Variants in SPAG9 observed in about 807,000 individuals in gnomAD.
SPAG9 encodes sperm associated antigen 9, also known as C-Jun-amino-terminal kinase-interacting protein 4.
SPAG9 carries 35 observed loss-of-function variants against 166.5 expected under a neutral mutation model. The observed-to-expected ratio is 0.21, with a 90% CI of 0.16 to 0.28. The LOEUF is 0.28. Ranked by LOEUF, SPAG9 falls within the 10% of genes least tolerant of loss-of-function variation. The pLI, the probability that SPAG9 is intolerant of heterozygous loss-of-function variation, is 1.00. For synonymous variants in SPAG9, 534 were observed against 565.5 expected (o/e 0.94, Z 0.79); for missense variants, 1,235 against 1,603.3 (o/e 0.77, Z 3.92).
At chr17:50,983,031 G>A (rs767701665) in intron 24 of SPAG9, among the ~76,000 whole-genome samples, 14 of 152,178 alleles carry the variant, frequency 9.2e-5, no homozygotes, top group African/African-American at 3.4e-4. Context: ...TCAGTCACGT[G>A]CATTTTGATG....
intron 4 of SPAG9, among the ~76,000 whole-genome samples, chr17:51,044,874 T>C (rs1262374208): frequency 6.6e-6 from 1 of 152,200 alleles, no homozygotes; most frequent in African/African-American, 2.4e-5. Context: ...CTTTATTTAA[T>C]CAGATCAGTA....
intron 2 of SPAG9, among the ~76,000 whole-genome samples, chr17:51,057,061 G>A (rs1007247419): frequency 6.6e-6 from 1 of 152,174 alleles, no homozygotes; most frequent in Non-Finnish European, 1.5e-5. Flanking sequence ...GTCAGGACAG[G>A]ATTCCACAGG....
intron 1 of SPAG9, among the ~76,000 whole-genome samples, chr17:51,100,546 A>C (rs990962144): frequency 2.0e-5 from 3 of 152,046 alleles, no homozygotes; most frequent in African/African-American, 7.2e-5. Flanking sequence ...AGGTGGAAGG[A>C]TCACATGAGA....
intron 8 of SPAG9, chr17:51,014,786 A>C (rs1268862004): frequency 1.3e-5 from 2 of 149,194 alleles, no homozygotes; most frequent in Non-Finnish European, 2.9e-5. Flanking sequence ...TACAAAATTA[A>C]AATTTTTACC....
Position 51,120,238 on chromosome 17 carries a change from C to G in SPAG9, c.303+116G>C. 1.1e-6 allele frequency: 1 copy of G among 950,856 alleles called. No individual in the cohort carries two copies. The highest frequency in any genetic ancestry group is 1.8e-5 in the African/African-American group (1 of 56,960). The allele number at this position is 950,856 out of a possible 1,614,324, so 58.9% of individuals were successfully genotyped here. A position where few individuals can be genotyped will look rare whatever the true frequency, so the allele number is the denominator to read the frequency against. On this transcript the variant is annotated intron_variant, in intron 1 of 29. Transcript: ENST00000262013. The surrounding 1 kb of genome is among the most constrained non-coding windows in gnomAD (Gnocchi z 4.7). ...GGGATCGGTCCCAGGGGGCATCGGCCTCAGGCCCGCCCTCCAGGAGGCCCG... is the reference window on the plus strand; with the variant it reads ...GGGATCGGTCCCAGGGGGCATCGGCGTCAGGCCCGCCCTCCAGGAGGCCCG...
intron 13 of SPAG9, 133 bp from the exon 14 acceptor site, chr17:50,999,850 A>G (rs1467751649): frequency 1.5e-6 from 1 of 664,726 alleles, no homozygotes; most frequent in Admixed American, 2.9e-5. Flanking sequence ...TAAATACTGT[A>G]GTTACTTTGA....
At chr17:51,035,186 T>G (rs982188079) in intron 5 of SPAG9, among the ~76,000 whole-genome samples, 1 of 152,104 alleles carries the variant, frequency 6.6e-6, no homozygotes, top group African/African-American at 2.4e-5. Context: ...GATCCTGGGC[T>G]GGATTCTGGA....
At chr17:51,074,779 G>A (rs533283224) in intron 2 of SPAG9, among the ~76,000 whole-genome samples, 3 of 152,076 alleles carry the variant, frequency 2.0e-5, no homozygotes, top group East Asian at 3.9e-4. Flanking sequence ...TGAGAAGATG[G>A]ATACCACAGA....
At chr17:51,115,264 C>G (rs1359094866) in intron 1 of SPAG9, among the ~76,000 whole-genome samples, 1 of 152,082 alleles carries the variant, frequency 6.6e-6, no homozygotes, top group Non-Finnish European at 1.5e-5. Context: ...TGATAACTCA[C>G]TGCAGTCTCA....
At chr17:50,977,343 G>A (rs1974277340) in intron 26 of SPAG9, 122 bp from the exon 27 acceptor site, 2 of 665,806 alleles carry the variant, frequency 3.0e-6, no homozygotes. Context: ...AGTAGTAGCA[G>A]GATTGATACA....
chr17:51,038,778 A>G (rs1405202104), intron 5 of SPAG9, among the ~76,000 whole-genome samples: 1 of 152,154 alleles, frequency 6.6e-6, no homozygotes, highest in Admixed American at 6.5e-5. Context: ...CATCCTTACT[A>G]ATTACTCTTT....
At chr17:51,107,115 A>AG (rs1197192371) in intron 1 of SPAG9, among the ~76,000 whole-genome samples, 1 of 151,928 alleles carries the variant, frequency 6.6e-6, no homozygotes, top group Non-Finnish European at 1.5e-5. Flanking sequence ...AAAAAAAAAA[A>AG]AGAAAAAGAA....
At chr17:50,979,411 T>C (rs532075407) in intron 26 of SPAG9, among the ~76,000 whole-genome samples, 51 of 149,064 alleles carry the variant, frequency 3.4e-4, no homozygotes, top group Admixed American at 8.0e-4. Flanking sequence ...GTAAGGTAGA[T>C]TGAAACGTCT....
At chr17:51,086,236 T>G (rs911714848) in intron 1 of SPAG9, among the ~76,000 whole-genome samples, 2 of 150,574 alleles carry the variant, frequency 1.3e-5, no homozygotes, top group Non-Finnish European at 3.0e-5. Context: ...TGCGTCGGCC[T>G]CCCAAAGCGC....
intron 1 of SPAG9, among the ~76,000 whole-genome samples, chr17:51,082,147 CAGGTGGATCACTTA>C (rs1412155307): frequency 1.1e-4 from 17 of 152,140 alleles, no homozygotes; most frequent in Non-Finnish European, 2.1e-4. Flanking sequence ...GAGGCCAAGA[CAGGTGGATCACTTA>C]AGGTCAGGAG....
chr17:51,056,453 G>A lies in SPAG9; in HGVS notation c.454C>T (p.Leu152=), dbSNP rs2047365046. 6.2e-7 allele frequency: 1 copy of A among 1,608,756 alleles called. No individual in the cohort carries two copies. Residue 152 remains leucine (L), a synonymous_variant, in exon 3 of 30, where the codon CTG becomes TTG. Transcript: ENST00000262013. ...ISRLEEREAE[L]KKEYNALHQR... ...TGTAATGCATTATATTCCTTCTTCA[G>A]TTCTGCTTCTCTTTCTTCAAGTCTG...
At position 51,028,227 on chromosome 17, in the gene SPAG9, G is replaced by A. The variant is rs573408069; in HGVS notation, c.783+3454C>T. Among the ~76,000 whole-genome samples the A allele has an allele frequency of 7.2e-5, 11 of 152,092 alleles. No homozygotes were observed. The South Asian group carries it at 1.0e-3, about 14-fold the overall frequency. ...AATTTAAAGTTTATAAAGTAAATAA[G>A]TTACAGTAAGCTAAGGTTAATTTAT... On this transcript the variant is annotated intron_variant, in intron 6 of 29. Transcript: ENST00000262013.
chr17:51,043,224 C>T (rs763891604), intron 4 of SPAG9, among the ~76,000 whole-genome samples: 8 of 152,132 alleles, frequency 5.3e-5, no homozygotes, highest in Non-Finnish European at 7.4e-5. Flanking sequence ...TCTAAGTTTG[C>T]GACTATGAGC....
intron 12 of SPAG9, 75 bp from the exon 13 acceptor site, chr17:51,001,920 A>T: frequency 7.2e-7 from 1 of 1,390,948 alleles, no homozygotes; most frequent in Non-Finnish European, 9.8e-7. Flanking sequence ...AGTTATGCAA[A>T]ATCTTTCAGT....
Sources: gnomAD v4.1 joint callset for allele counts (sites outside exome capture counted in the v4.1 genomes callset) on GRCh38, gnomAD v4.1.1 for gene constraint, Gnocchi (gnomAD v3.1) non-coding constraint, MANE v1.5 for transcripts, NCBI Gene and HGNC (gene_info 2026-07-23, HGNC 2026-07-21) for gene names.